The following PALS2 variants were observed in gnomAD, a reference collection of about 807,000 sequenced individuals.
PALS2 encodes protein associated with LIN7 2, MAGUK p55 family member.
A neutral mutation model predicts 61.6 loss-of-function variants in PALS2; 27 were observed. The ratio of observed to expected loss-of-function variants is 0.44; its 90% CI spans 0.32 to 0.60. The LOEUF is 0.60. Ranked by LOEUF, PALS2 falls within the 20% of genes least tolerant of loss-of-function variation. The pLI is 0.05. For synonymous variants in PALS2, 236 were observed against 218.6 expected, an observed-to-expected ratio of 1.08 and a Z score of -0.70; for missense variants, 554 against 639.4, an observed-to-expected ratio of 0.87 and a Z score of 1.44.
chr7:24,692,299 C>G lies in PALS2; in HGVS notation c.*4685C>G, dbSNP rs1423072418. ...ATAAAAGTAAAGACAGGGTACTGGC[C>G]AAGATCCTAATTCTGACTTCTGACT... On this transcript the variant is annotated 3_prime_UTR_variant, in exon 12 of 12. Transcript: ENST00000222644. 1 of 152,088 alleles carries G rather than the reference C, an allele frequency of 6.6e-6. No individual in the cohort carries two copies. Among genetic ancestry groups the G allele is most frequent in the East Asian group, 1.9e-4 (1 of 5,186 alleles). The allele number at this position is 152,088 out of a possible 1,614,324, so 9.4% of individuals were successfully genotyped here. A position where few individuals can be genotyped will look rare whatever the true frequency, so the allele number is the denominator to read the frequency against.
chr7:24,579,666 C>G (rs1441537254), intron 1 of PALS2, among the ~76,000 whole-genome samples: 1 of 151,992 alleles, frequency 6.6e-6, no homozygotes, highest in African/African-American at 2.4e-5. Context: ...TTGTTACCTA[C>G]TTAGTAGCAC....
chr7:24,599,619 C>T (rs1324888918), intron 1 of PALS2, among the ~76,000 whole-genome samples: 2 of 149,640 alleles, frequency 1.3e-5, no homozygotes, highest in Non-Finnish European at 3.0e-5. Flanking sequence ...ATTTTCCCGT[C>T]CCAGCCTCCC....
At chr7:24,654,924 A>G (rs1786338605) in intron 5 of PALS2, among the ~76,000 whole-genome samples, 1 of 152,210 alleles carries the variant, frequency 6.6e-6, no homozygotes, top group Non-Finnish European at 1.5e-5. Context: ...TTCAATGTGG[A>G]AAGGAGATGA....
At chr7:24,663,566 T>G in intron 5 of PALS2, 24 bp from the exon 6 acceptor site, 1 of 1,554,920 alleles carries the variant, frequency 6.4e-7, no homozygotes, top group Non-Finnish European at 8.7e-7. Flanking sequence ...ACTATAGTAT[T>G]TTTAATTGTG....
chr7:24,679,092 A>C (rs1411175339), intron 9 of PALS2, 39 bp from the exon 10 acceptor site: 13 of 1,589,368 alleles, frequency 8.2e-6, no homozygotes, highest in Non-Finnish European at 1.1e-5. Flanking sequence ...TATGCCCTAA[A>C]ATTTCTTTGT....
chr7:24,624,102 A>G, intron 2 of PALS2: 1 of 1,319,128 alleles, frequency 7.6e-7, no homozygotes, highest in South Asian at 1.2e-5. Flanking sequence ...CATTTTCAAC[A>G]ATGGCAAAGT....
intron 11 of PALS2, among the ~76,000 whole-genome samples, chr7:24,680,798 G>A (rs1787885470): frequency 6.6e-6 from 1 of 152,134 alleles, no homozygotes; most frequent in South Asian, 2.1e-4. Context: ...GTTTCACCAT[G>A]TTGGCCAGAC....
chr7:24,679,355 G>A (rs750586381), intron 10 of PALS2, 22 bp downstream of exon 10: 3 of 1,609,852 alleles, frequency 1.9e-6, no homozygotes, highest in African/African-American at 2.7e-5. Context: ...GGATTCCAAA[G>A]CTGTTTTATA....
chr7:24,605,824 T>C (rs1011905261), intron 1 of PALS2, among the ~76,000 whole-genome samples: 1 of 152,170 alleles, frequency 6.6e-6, no homozygotes, highest in African/African-American at 2.4e-5. Context: ...CTATCAGCTA[T>C]GTATATGGAA....
rs1554302487 is a variant in PALS2 at position 24,624,605 on chromosome 7, C to CTTCTTTTTTTTTTTTTTT, written c.117+823_117+824insCTTTTTTTTTTTTTTTTT. On this transcript the variant is annotated intron_variant, in intron 2 of 11. Coordinates refer to ENST00000222644, the MANE Select transcript of PALS2 (RefSeq NM_001303037.2). ...GAGTGAATTAATGATGCAGATTCTT[C>CTTCTTTTTTTTTTTTTTT]TTTTTTTTTTTTTTTTTTTGAGAGG... Among the ~76,000 whole-genome samples the CTTCTTTTTTTTTTTTTTT allele has an allele frequency of 1.1e-3, 94 of 86,348 alleles. 5 individuals are homozygous for CTTCTTTTTTTTTTTTTTT. Among genetic ancestry groups the CTTCTTTTTTTTTTTTTTT allele is most frequent in the African/African-American group, 1.4e-3 (22 of 15,452 alleles). The allele number at this position is 86,348 out of a possible 152,430, so 56.6% of individuals were successfully genotyped here.
Position 24,596,711 on chromosome 7 carries a change from A to G in PALS2, c.-3+23118A>G, listed in dbSNP as rs1227922335. 6.6e-6 allele frequency among the ~76,000 whole-genome samples: 1 copy of G among 152,120 alleles called. No homozygotes were observed. Among genetic ancestry groups the G allele is most frequent in the Non-Finnish European group, 1.5e-5 (1 of 68,014 alleles). On this transcript the variant is annotated intron_variant, in intron 1 of 11. Coordinates refer to ENST00000222644, the MANE Select transcript of PALS2 (RefSeq NM_001303037.2). The surrounding 1 kb of genome is among the most constrained non-coding windows in gnomAD (Gnocchi z 4.5). ...TTTATTTGAGCTCTGTTTAAAAAGG[A>G]AAAAAAGGACTCTCCGTATATCTAG...
chr7:24,667,528 A>G (rs1284132260), intron 8 of PALS2, among the ~76,000 whole-genome samples: 1 of 152,046 alleles, frequency 6.6e-6, no homozygotes, highest in Non-Finnish European at 1.5e-5. Flanking sequence ...TGCTTTCTAT[A>G]TATACTGGTT....
At chr7:24,667,115 T>C (rs1787060177) in intron 8 of PALS2, 1 of 152,156 alleles carries the variant, frequency 6.6e-6, no homozygotes, top group African/African-American at 2.4e-5. Context: ...GATAATAAGC[T>C]AAGGAAGGAG....
intron 8 of PALS2, among the ~76,000 whole-genome samples, chr7:24,667,657 A>ATTTTTTTTT (rs11284911): frequency 2.0e-5 from 2 of 98,646 alleles, no homozygotes; most frequent in Non-Finnish European, 3.9e-5. Flanking sequence ...GATTAGATAA[A>ATTTTTTTTT]TTTTTTTTTT....
rs771505051 is a variant in PALS2 at position 24,687,622 on chromosome 7, G to A, written c.*8G>A. The A allele has an allele frequency of 2.5e-6, 4 of 1,591,998 alleles. No homozygotes were observed. On this transcript the variant is annotated 3_prime_UTR_variant, in exon 12 of 12. Transcript: ENST00000222644. This position sits in a 1 kb window ranked among gnomAD's most constrained non-coding sequence, Gnocchi z 4.5. Reference sequence around the variant, plus strand: ...ATCAGCTGGGTTTACTGATGATTCAGTAAGGTTAACAATGAAAATTAAACT... The same window carrying A: ...ATCAGCTGGGTTTACTGATGATTCAATAAGGTTAACAATGAAAATTAAACT...
intron 3 of PALS2, among the ~76,000 whole-genome samples, chr7:24,645,449 G>A (rs1237491277): frequency 6.6e-6 from 1 of 152,044 alleles, no homozygotes; most frequent in Admixed American, 6.6e-5. Flanking sequence ...TTATTTCTAA[G>A]CTCTCTTTTC....
At chr7:24,660,543 AACACAC>A (rs145784408) in intron 5 of PALS2, among the ~76,000 whole-genome samples, 11 of 150,770 alleles carry the variant, frequency 7.3e-5, no homozygotes, top group Non-Finnish European at 1.5e-4. Context: ...CCTATTGACA[AACACAC>A]ACACACACAC....
chr7:24,675,778 A>G (rs1787546556), intron 9 of PALS2, among the ~76,000 whole-genome samples: 1 of 123,090 alleles, frequency 8.1e-6, no homozygotes, highest in Admixed American at 7.8e-5. Context: ...CATTTTCTTA[A>G]TCCAGTCTAT....
At position 24,638,322 on chromosome 7, in the gene PALS2, CTTTTTTTT is replaced by C. The variant is rs749421698; in HGVS notation, c.118-3375_118-3368del. Among the ~76,000 whole-genome samples, 7 of 11,914 alleles carry C rather than the reference CTTTTTTTT, an allele frequency of 5.9e-4. 1 individual carries two copies. The highest frequency in any genetic ancestry group is 0.045 in the Middle Eastern group (1 of 22). The allele number at this position is 11,914 out of a possible 152,430, so 7.8% of individuals were successfully genotyped here. On this transcript the variant is annotated intron_variant, in intron 2 of 11. Coordinates refer to ENST00000222644, the MANE Select transcript of PALS2 (RefSeq NM_001303037.2). ...TTTCTCCCTTCAATTTCTGTATTTT[CTTTTTTTT>C]TTTTTTTTTTTTTTTTTTGAGACGG...
Sources: gnomAD v4.1 joint callset for allele counts (sites outside exome capture counted in the v4.1 genomes callset) on GRCh38, gnomAD v4.1.1 for gene constraint, Gnocchi (gnomAD v3.1) non-coding constraint, MANE v1.5 for transcripts, NCBI Gene and HGNC (gene_info 2026-07-23, HGNC 2026-07-21) for gene names.